Variants in CBFA2T2 observed in about 807,000 individuals in gnomAD.
The protein encoded by CBFA2T2 is protein CBFA2T2.
CBFA2T2 carries 11 observed loss-of-function variants against 62.2 expected under a neutral mutation model. That is an observed-to-expected ratio of 0.18 (90% CI 0.11 to 0.29). CBFA2T2 has a LOEUF of 0.29. Ranked by LOEUF, CBFA2T2 falls within the 10% of genes least tolerant of loss-of-function variation. The pLI, the probability that CBFA2T2 is intolerant of heterozygous loss-of-function variation, is 1.00. For synonymous variants in CBFA2T2, 295 were observed against 287.5 expected, an observed-to-expected ratio of 1.03 and a Z score of -0.27; for missense variants, 592 against 774.1, an observed-to-expected ratio of 0.76 and a Z score of 2.79.
rs981509110 is a variant in CBFA2T2 at position 33,558,825 on chromosome 20, G to T, written c.35-48131G>T. 2.6e-5 allele frequency among the ~76,000 whole-genome samples: 4 copies of T among 151,214 alleles called. No homozygotes were observed. The East Asian group carries it at 5.8e-4, about 22-fold the overall frequency. On this transcript the variant is annotated intron_variant, in intron 1 of 10. Transcript: ENST00000342704. ...AGATCAATTTTTCGCCAACTGTTTG[G>T]GGGGGCGGCGATTCTTGAATCTTTA...
chr20:33,535,488 T>G (rs2012178856), intron 1 of CBFA2T2, among the ~76,000 whole-genome samples: 1 of 150,506 alleles, frequency 6.6e-6, no homozygotes, highest in Non-Finnish European at 1.5e-5. Flanking sequence ...TGAGTTGAAC[T>G]GATCTAGAAG....
intron 2 of CBFA2T2, among the ~76,000 whole-genome samples, chr20:33,610,071 C>T (rs1221383271): frequency 6.6e-6 from 1 of 152,214 alleles, no homozygotes; most frequent in East Asian, 1.9e-4. Flanking sequence ...CACTTGAGCC[C>T]AGGAGTTTGA....
intron 1 of CBFA2T2, among the ~76,000 whole-genome samples, chr20:33,585,768 G>A (rs1010834574): frequency 2.0e-5 from 3 of 152,196 alleles, no homozygotes; most frequent in African/African-American, 4.8e-5. Context: ...GAACAAGCAT[G>A]TAGATAATCT....
intron 1 of CBFA2T2, among the ~76,000 whole-genome samples, chr20:33,601,287 C>T (rs184144093): frequency 2.2e-4 from 33 of 152,008 alleles, no homozygotes; most frequent in Middle Eastern, 6.8e-3. Flanking sequence ...TGTTTTTAGA[C>T]AGAGTCTCGC....
In CBFA2T2 at chr20:33,618,324, A is replaced by C. The variant is rs1446682305; in HGVS notation, c.421-1193A>C. 3 of 152,226 alleles carry C rather than the reference A, an allele frequency of 2.0e-5. 1 individual carries two copies. The highest frequency in any genetic ancestry group is 4.4e-5 in the Non-Finnish European group (3 of 68,044). 9.4% of individuals were successfully genotyped at this position (152,226 alleles called of 1,614,324 possible). ...TCTGGGGAGCAAGCAGGGATTCAGA[A>C]TAATCCCCATATTTCATTTTGTTCG... On this transcript the variant is annotated intron_variant, in intron 3 of 10. Transcript: ENST00000342704.
rs2011308498 is a variant in CBFA2T2, at chr20:33,502,525, T to C, written c.34+12224T>C. Among the ~76,000 whole-genome samples, 4 of 151,814 alleles carry C rather than the reference T, an allele frequency of 2.6e-5. No homozygotes were observed. In the South Asian group the frequency reaches 8.3e-4, roughly 31 times the overall value. Reference sequence around the variant, plus strand: ...GGGTTCACGCCATTCTGCCTCAGCCTTCCGAGTAGCTGGGACCACAGGCGC... The same window carrying C: ...GGGTTCACGCCATTCTGCCTCAGCCCTCCGAGTAGCTGGGACCACAGGCGC... On this transcript the variant is annotated intron_variant, in intron 1 of 10. Coordinates refer to ENST00000342704, the MANE Select transcript of CBFA2T2 (RefSeq NM_001032999.3).
At chr20:33,582,650 A>G (rs2014172395) in intron 1 of CBFA2T2, among the ~76,000 whole-genome samples, 1 of 151,872 alleles carries the variant, frequency 6.6e-6, no homozygotes, top group African/African-American at 2.4e-5. Flanking sequence ...GCAAAACCCC[A>G]TCTCTACTAT....
intron 3 of CBFA2T2, among the ~76,000 whole-genome samples, chr20:33,617,791 G>A (rs2015765503): frequency 6.6e-6 from 1 of 152,042 alleles, no homozygotes; most frequent in Non-Finnish European, 1.5e-5. Flanking sequence ...ATGAAATGTG[G>A]GAAAGTGTTC....
chr20:33,492,893 G>A (rs1306493372), intron 1 of CBFA2T2, among the ~76,000 whole-genome samples: 1 of 151,844 alleles, frequency 6.6e-6, no homozygotes, highest in African/African-American at 2.4e-5. Flanking sequence ...GAGGAGCTGG[G>A]ATTACAGGTG....
intron 1 of CBFA2T2, chr20:33,574,305 A>G (rs1217110968): frequency 1.9e-6 from 3 of 1,566,008 alleles, no homozygotes; most frequent in South Asian, 2.2e-5. Flanking sequence ...TAATTTAATA[A>G]CAGAAATATA....
At chr20:33,635,253 T>G (rs919048990) in intron 8 of CBFA2T2, among the ~76,000 whole-genome samples, 3 of 152,228 alleles carry the variant, frequency 2.0e-5, no homozygotes, top group Admixed American at 6.5e-5. Flanking sequence ...AGTGTTAGAT[T>G]AGTAACCTAC....
At chr20:33,644,051 T>C (rs1043654302) in intron 10 of CBFA2T2, among the ~76,000 whole-genome samples, 3 of 151,644 alleles carry the variant, frequency 2.0e-5, no homozygotes, top group African/African-American at 7.3e-5. Flanking sequence ...GCAGGAGAGA[T>C]GGCCACCTGC....
chr20:33,541,449 G>T (rs1050750629), intron 1 of CBFA2T2, among the ~76,000 whole-genome samples: 1 of 152,192 alleles, frequency 6.6e-6, no homozygotes, highest in East Asian at 1.9e-4. Context: ...TTGACGAGTC[G>T]TATAACTGAG....
chr20:33,522,735 C>T (rs960593447), intron 1 of CBFA2T2, among the ~76,000 whole-genome samples: 1 of 151,964 alleles, frequency 6.6e-6, no homozygotes, highest in Non-Finnish European at 1.5e-5. Context: ...TGAGTGAGAC[C>T]CTGTCTCACA....
intron 1 of CBFA2T2, among the ~76,000 whole-genome samples, chr20:33,605,196 G>A (rs1198604446): frequency 6.6e-6 from 1 of 152,188 alleles, no homozygotes; most frequent in Admixed American, 6.5e-5. Context: ...TCCCATCAAT[G>A]CACAAAAATG....
chr20:33,596,251 G>A (rs2014878922), intron 1 of CBFA2T2, among the ~76,000 whole-genome samples: 1 of 152,154 alleles, frequency 6.6e-6, no homozygotes, highest in Non-Finnish European at 1.5e-5. Flanking sequence ...GTTAAGTTCT[G>A]GGGCGAGATC....
intron 1 of CBFA2T2, among the ~76,000 whole-genome samples, chr20:33,526,742 T>A (rs980986121): frequency 6.6e-6 from 1 of 151,336 alleles, no homozygotes; most frequent in African/African-American, 2.4e-5. Context: ...AAAAAAAAAA[T>A]GTAGATTTAT....
chr20:33,640,754 TATAGAGAGAG>T (rs1157020590), intron 10 of CBFA2T2, among the ~76,000 whole-genome samples: 1 of 151,682 alleles, frequency 6.6e-6, no homozygotes, highest in Non-Finnish European at 1.5e-5. Context: ...TACATATATA[TATAGAGAGAG>T]AGAGAGAGGC....
At chr20:33,550,292 C>T (rs2012702385) in intron 1 of CBFA2T2, among the ~76,000 whole-genome samples, 1 of 151,952 alleles carries the variant, frequency 6.6e-6, no homozygotes, top group African/African-American at 2.4e-5. Flanking sequence ...CAAAATCCTC[C>T]CATTAAAAAA....
Sources: gnomAD v4.1 joint callset for allele counts (sites outside exome capture counted in the v4.1 genomes callset) on GRCh38, gnomAD v4.1.1 for gene constraint, MANE v1.5 for transcripts, NCBI Gene and HGNC (gene_info 2026-07-23, HGNC 2026-07-21) for gene names.